The following TTC6 variants were observed in gnomAD, a reference collection of about 807,000 sequenced individuals.
The protein encoded by TTC6 is tetratricopeptide repeat protein 6.
TTC6 carries 172 observed loss-of-function variants against 210.4 expected under a neutral mutation model. The ratio of observed to expected loss-of-function variants is 0.82; its 90% CI spans 0.72 to 0.93. TTC6 has a LOEUF of 0.93. Ranked by LOEUF, TTC6 falls within the 40% of genes least tolerant of loss-of-function variation. TTC6 has a pLI of 0.00. For synonymous variants in TTC6, 804 were observed against 819.6 expected (o/e 0.98, Z 0.32); for missense variants, 2,414 against 2,318.1 (o/e 1.04, Z -0.85).
chr14:37,768,641 A>G (rs1355999052), intron 14 of TTC6, among the ~76,000 whole-genome samples: 1 of 150,438 alleles, frequency 6.6e-6, no homozygotes, highest in East Asian at 2.0e-4. Flanking sequence ...TGATTTTTGT[A>G]CATTGATTTT....
intron 26 of TTC6, among the ~76,000 whole-genome samples, chr14:37,821,423 T>C (rs1840349380): frequency 6.6e-6 from 1 of 152,162 alleles, no homozygotes; most frequent in Admixed American, 6.5e-5. Context: ...ACAATTTCAT[T>C]GTATACTACT....
chr14:37,682,821 G>C, exon 3 of TTC6: 1 of 1,535,678 alleles, frequency 6.5e-7, no homozygotes, highest in Non-Finnish European at 8.7e-7. Context: ...AGAGGATATA[G>C]AATGGGGACC....
rs181091071 is a variant in TTC6 at position 37,693,504 on chromosome 14, A to G, written c.1258-3213A>G. Reference sequence around the variant, plus strand: ...AATACCAATGACATTCTTCACAGAAATAGAAAAAACAATCCTAAAATTTAT... The same window carrying G: ...AATACCAATGACATTCTTCACAGAAGTAGAAAAAACAATCCTAAAATTTAT... On this transcript the variant is annotated intron_variant, in intron 3 of 30. Coordinates refer to ENST00000553443, the Ensembl canonical transcript of TTC6. Among the ~76,000 whole-genome samples the G allele has an allele frequency of 9.8e-4, 149 of 152,258 alleles. 1 individual carries two copies. Among genetic ancestry groups the G allele is most frequent in the South Asian group, 4.1e-3 (20 of 4,822 alleles).
intron 14 of TTC6, among the ~76,000 whole-genome samples, chr14:37,760,283 G>T (rs1458937044): frequency 6.6e-6 from 1 of 152,130 alleles, no homozygotes; most frequent in Non-Finnish European, 1.5e-5. Flanking sequence ...GCTGCAGTTT[G>T]CTGGAGGTTC....
At chr14:37,613,843 G>C (rs140703679) in intron 2 of TTC6, among the ~76,000 whole-genome samples, 2 of 151,814 alleles carry the variant, frequency 1.3e-5, no homozygotes, top group Non-Finnish European at 2.9e-5. Flanking sequence ...GGTGATTTTC[G>C]TTCTCTTAAA....
intron 1 of TTC6, among the ~76,000 whole-genome samples, chr14:37,646,023 G>T (rs2095700966): frequency 6.6e-6 from 1 of 152,146 alleles, no homozygotes; most frequent in South Asian, 2.1e-4. Context: ...ATATGAAGTT[G>T]CTAGCTGCTT....
At position 37,684,071 on chromosome 14, in the gene TTC6, C is replaced by T. The variant is rs147255903; in HGVS notation, c.1257+1107C>T. ...CATTCCTCATTCTTCAATTTTTGCC[C>T]GAGACTCCCAACTCTGAAACCTGGG... On this transcript the variant is annotated intron_variant, in intron 3 of 30. Transcript: ENST00000553443. 2.6e-3 allele frequency among the ~76,000 whole-genome samples: 395 copies of T among 152,108 alleles called. 3 individuals are homozygous for T. Among genetic ancestry groups the T allele is most frequent in the African/African-American group, 8.8e-3 (367 of 41,522 alleles).
intron 1 of TTC6, among the ~76,000 whole-genome samples, chr14:37,659,841 C>T (rs1037746988): frequency 5.9e-5 from 9 of 151,662 alleles, no homozygotes; most frequent in Non-Finnish European, 1.2e-4. Context: ...TTTTGATTTG[C>T]GTTTCTCTAA....
Position 37,748,899 on chromosome 14 carries a change from T to C in TTC6, c.2364-40T>C, listed in dbSNP as rs963870515. 2.9e-6 allele frequency: 4 copies of C among 1,393,594 alleles called. No individual in the cohort carries two copies. The African/African-American group carries it at 5.8e-5, about 20-fold the overall frequency. 86.3% of individuals were successfully genotyped at this position (1,393,594 alleles called of 1,614,324 possible). A position where few individuals can be genotyped will look rare whatever the true frequency, so the allele number is the denominator to read the frequency against. On this transcript the variant is annotated intron_variant, in intron 10 of 30. Coordinates refer to ENST00000553443, the Ensembl canonical transcript of TTC6. ...GATTTACTGATTAGAAAGATGATTG[T>C]ATTTCTGTAATTTAAAAAAATCACT...
At chr14:37,805,051 C>T (rs1425044706) in intron 21 of TTC6, among the ~76,000 whole-genome samples, 1 of 152,054 alleles carries the variant, frequency 6.6e-6, no homozygotes, top group East Asian at 1.9e-4. Flanking sequence ...ATATGCGTTT[C>T]CCACCAGAAC....
At chr14:37,752,446 C>T (rs1489406582) in intron 13 of TTC6, among the ~76,000 whole-genome samples, 1 of 151,728 alleles carries the variant, frequency 6.6e-6, no homozygotes, top group African/African-American at 2.4e-5. Flanking sequence ...TCTTCATTTC[C>T]CCTATCCTGC....
chr14:37,712,560 C>T (rs1162032951), intron 5 of TTC6, among the ~76,000 whole-genome samples: 1 of 152,180 alleles, frequency 6.6e-6, no homozygotes, highest in Non-Finnish European at 1.5e-5. Flanking sequence ...TTAATTGACT[C>T]ACAGTTCTGC....
At chr14:37,818,152 T>C (rs577174951) in intron 26 of TTC6, among the ~76,000 whole-genome samples, 1 of 152,184 alleles carries the variant, frequency 6.6e-6, no homozygotes, top group South Asian at 2.1e-4. Flanking sequence ...CCAGGAAATA[T>C]CTATAAAAAA....
intron 1 of TTC6, among the ~76,000 whole-genome samples, chr14:37,652,602 C>T (rs1391932520): frequency 2.6e-5 from 4 of 152,132 alleles, no homozygotes; most frequent in Non-Finnish European, 4.4e-5. Context: ...AGCAGTTCCT[C>T]GTCAAACCTT....
At chr14:37,787,578 G>A (rs1566954798) in exon 15 of TTC6, 5 of 1,522,912 alleles carry the variant, frequency 3.3e-6, no homozygotes, top group Admixed American at 2.0e-5. Flanking sequence ...TTGTATTATC[G>A]AGGTTGCTTA....
At chr14:37,678,932 A>G (rs1232200199) in intron 1 of TTC6, among the ~76,000 whole-genome samples, 1 of 152,162 alleles carries the variant, frequency 6.6e-6, no homozygotes. Context: ...TTAAAATTTC[A>G]TGTAGGCCAG....
intron 5 of TTC6, 111 bp from the exon 8 acceptor site, chr14:37,714,544 A>G: frequency 1.3e-6 from 1 of 756,342 alleles, no homozygotes; most frequent in Non-Finnish European, 2.0e-6. Context: ...TGTTTAGTGC[A>G]GATGTCAAAT....
intron 22 of TTC6, among the ~76,000 whole-genome samples, 183 bp from the exon 25 acceptor site, chr14:37,807,137 T>C (rs2096120034): frequency 6.6e-6 from 1 of 152,312 alleles, no homozygotes; most frequent in East Asian, 1.9e-4. Context: ...TAGGTATTTA[T>C]CATTCTTTCA....
intron 4 of TTC6, 68 bp from the exon 7 acceptor site, chr14:37,701,264 A>T: frequency 9.6e-6 from 11 of 1,140,752 alleles, no homozygotes; most frequent in Non-Finnish European, 1.3e-5. Flanking sequence ...AATTGTCAGT[A>T]TAAATGTACT....
Sources: gnomAD v4.1 joint callset for allele counts (sites outside exome capture counted in the v4.1 genomes callset) on GRCh38, gnomAD v4.1.1 for gene constraint, MANE v1.5 for transcripts, NCBI Gene and HGNC (gene_info 2026-07-23, HGNC 2026-07-21) for gene names.